Variants in ERI1 observed in about 807,000 individuals in gnomAD.
ERI1 encodes 3'-5' exoribonuclease 1.
In ERI1, 39 loss-of-function variants were observed where a neutral mutation model predicts 39.7. The observed-to-expected ratio is 0.98, with a 90% CI of 0.76 to 1.28. The LOEUF (loss-of-function observed/expected upper bound fraction) is 1.28. Ranked by LOEUF, ERI1 falls within the 50% of genes most tolerant of loss-of-function variation. The probability of loss-of-function intolerance (pLI) is 0.00; values close to 1 mark genes in which losing one functional copy is unlikely to be tolerated. For missense variants in ERI1, 581 were observed against 416.9 expected (o/e 1.39, Z -3.43); for synonymous variants, 204 against 149.6 (o/e 1.36, Z -2.65).
At chr8:9,090,962 C>A (rs1799683241) in intron 3 of ERI1, among the ~76,000 whole-genome samples, 1 of 152,104 alleles carries the variant, frequency 6.6e-6, no homozygotes, top group African/African-American at 2.4e-5. Flanking sequence ...TAATACTTAG[C>A]ATTTAAGGAG....
chr8:9,095,142 T>A (rs746810176), intron 3 of ERI1, among the ~76,000 whole-genome samples: 1 of 152,216 alleles, frequency 6.6e-6, no homozygotes, highest in Non-Finnish European at 1.5e-5. Context: ...AGATGCTGCA[T>A]GAGAGCATCT....
At chr8:9,011,460 C>A in intron 2 of ERI1, 82 bp from the exon 3 acceptor site, 3 of 856,974 alleles carry the variant, frequency 3.5e-6, no homozygotes, top group Non-Finnish European at 1.7e-6. Context: ...TGTCAGTGTT[C>A]AGCCCAGTGC....
intron 3 of ERI1, among the ~76,000 whole-genome samples, chr8:9,086,475 G>T (rs867980950): frequency 6.6e-6 from 1 of 152,270 alleles, no homozygotes; most frequent in South Asian, 2.1e-4. Flanking sequence ...TCTTGAGCCA[G>T]GGAGGTCGAG....
At chr8:9,083,787 C>T (rs1419496996) in intron 3 of ERI1, among the ~76,000 whole-genome samples, 1 of 151,920 alleles carries the variant, frequency 6.6e-6, no homozygotes, top group African/African-American at 2.4e-5. Flanking sequence ...GACCCTGTCT[C>T]TATGATTTTT....
At chr8:9,020,706 A>G (rs887887394) in intron 6 of ERI1, among the ~76,000 whole-genome samples, 1 of 152,186 alleles carries the variant, frequency 6.6e-6, no homozygotes, top group Non-Finnish European at 1.5e-5. Flanking sequence ...CTGTAGGGGC[A>G]GTCAGTATGT....
chr8:9,004,993 T>C (rs1185326992), intron 1 of ERI1, among the ~76,000 whole-genome samples: 1 of 152,172 alleles, frequency 6.6e-6, no homozygotes, highest in Non-Finnish European at 1.5e-5. Flanking sequence ...CTGGCCATGA[T>C]ACAGTGTTTT....
At chr8:9,027,676 A>G (rs1358569755) in intron 6 of ERI1, among the ~76,000 whole-genome samples, 1 of 152,200 alleles carries the variant, frequency 6.6e-6, no homozygotes. Context: ...GTAAGGGTCC[A>G]ACTTCATTCT....
At chr8:9,027,136 GGTGTGT>G (rs780775904) in intron 6 of ERI1, among the ~76,000 whole-genome samples, 1 of 137,502 alleles carries the variant, frequency 7.3e-6, no homozygotes, top group Non-Finnish European at 1.5e-5. Context: ...GTTATTTTCT[GGTGTGT>G]GTGTGTATGT....
chr8:9,080,691 T>TGAGTGTGGAATCGTCAC (rs1208266501), intron 3 of ERI1, among the ~76,000 whole-genome samples: 26 of 152,202 alleles, frequency 1.7e-4, no homozygotes, highest in Non-Finnish European at 2.5e-4. Context: ...CACAGAGCTC[T>TGAGTGTGGAATCGTCAC]GAGTGTGGAA....
At chr8:9,049,412 G>T (rs886213842) in intron 3 of ERI1, among the ~76,000 whole-genome samples, 19 of 141,274 alleles carry the variant, frequency 1.3e-4, no homozygotes, top group African/African-American at 5.0e-4. Flanking sequence ...AAAATGTCAA[G>T]TATTGAAATA....
chr8:9,085,788 T>G (rs1008988644), intron 3 of ERI1, among the ~76,000 whole-genome samples: 2 of 152,110 alleles, frequency 1.3e-5, no homozygotes, highest in Non-Finnish European at 2.9e-5. Context: ...TAACAAAGTA[T>G]AGCTGTTGGG....
intron 6 of ERI1, among the ~76,000 whole-genome samples, chr8:9,025,329 A>G (rs926071144): frequency 6.6e-6 from 1 of 152,198 alleles, no homozygotes; most frequent in Non-Finnish European, 1.5e-5. Flanking sequence ...ATTTCCAAAG[A>G]CATACTCCGT....
intron 3 of ERI1, among the ~76,000 whole-genome samples, chr8:9,055,743 G>C (rs1386435026): frequency 6.6e-6 from 1 of 152,170 alleles, no homozygotes; most frequent in African/African-American, 2.4e-5. Context: ...GTTTTGCCAT[G>C]TTGGCCAGGC....
chr8:9,095,089 A>C (rs1799835047), intron 3 of ERI1, among the ~76,000 whole-genome samples: 1 of 152,134 alleles, frequency 6.6e-6, no homozygotes, highest in African/African-American at 2.4e-5. Context: ...CAAGATGAGG[A>C]TTGTATAACC....
chr8:9,090,806 CT>C (rs1353834247), intron 3 of ERI1, among the ~76,000 whole-genome samples: 1 of 152,082 alleles, frequency 6.6e-6, no homozygotes, highest in East Asian at 1.9e-4. Flanking sequence ...AAACAATGAA[CT>C]TTCCAGTATA....
intron 3 of ERI1, among the ~76,000 whole-genome samples, chr8:9,054,590 G>A (rs988502156): frequency 6.6e-6 from 1 of 152,216 alleles, no homozygotes; most frequent in Non-Finnish European, 1.5e-5. Flanking sequence ...TAAACTATCC[G>A]TGTTTACATT....
downstream of ERI1, among the ~76,000 whole-genome samples, chr8:9,034,799 G>C (rs1300505291): frequency 6.6e-6 from 1 of 152,046 alleles, no homozygotes; most frequent in Non-Finnish European, 1.5e-5. Context: ...CAAAAGCTAA[G>C]ACGGGCTGAA....
intron 3 of ERI1, among the ~76,000 whole-genome samples, chr8:9,055,331 T>G (rs1798473368): frequency 6.6e-6 from 1 of 152,244 alleles, no homozygotes; most frequent in Non-Finnish European, 1.5e-5. Context: ...CATGATGTGC[T>G]TTAGGTCAAA....
Position 9,002,928 on chromosome 8 carries a change from G to T in ERI1, c.-136G>T, listed in dbSNP as rs1054780900. 1.2e-5 allele frequency: 7 copies of T among 562,952 alleles called. No individual in the cohort carries two copies. The highest frequency in any genetic ancestry group is 1.2e-4 in the African/African-American group (6 of 51,732). 34.9% of individuals were successfully genotyped at this position (562,952 alleles called of 1,614,324 possible). On this transcript the variant is annotated 5_prime_UTR_variant, in exon 1 of 7. Transcript: ENST00000250263. ...TCCCGGAAGTGGGAGGTGGCCGCTGGAGTTTGTGTGGCCGCCGCCGCGGGA... is the reference window on the plus strand; with the variant it reads ...TCCCGGAAGTGGGAGGTGGCCGCTGTAGTTTGTGTGGCCGCCGCCGCGGGA...
Sources: allele counts gnomAD v4.1 joint callset (sites outside exome capture counted in the v4.1 genomes callset), GRCh38; gene constraint gnomAD v4.1.1; transcripts MANE v1.5; gene names NCBI Gene and HGNC (gene_info 2026-07-23, HGNC 2026-07-21).